ARL5A: variants seen among roughly 807,000 people sequenced by gnomAD.
The protein encoded by ARL5A is ADP-ribosylation factor-like protein 5A.
In ARL5A, 18 loss-of-function variants were observed where a neutral mutation model predicts 25.9. The ratio of observed to expected loss-of-function variants is 0.69; its 90% CI spans 0.48 to 1.03. The LOEUF is 1.03. Among genes scored for constraint, ARL5A ranks in the 50% least tolerant of loss-of-function variants. ARL5A has a pLI of 0.00. For missense variants in ARL5A, 170 were observed against 211.9 expected (o/e 0.80, Z 1.23); for synonymous variants, 61 against 67.5 (o/e 0.90, Z 0.47).
At chr2:151,810,663 A>G (rs1317428385) in intron 4 of ARL5A, 1 of 339,406 alleles carries the variant, frequency 2.9e-6, no homozygotes, top group South Asian at 2.3e-5. Flanking sequence ...GTAGTCACCC[A>G]TAACAGATAA....
At chr2:151,821,832 A>G (rs35555907) in intron 1 of ARL5A, among the ~76,000 whole-genome samples, 23,451 of 117,130 alleles carry the variant, frequency 0.2, 3,059 homozygotes, top group African/African-American at 0.42. Context: ...CCGTATGCCC[A>G]GCTAATTTTT....
intron 1 of ARL5A, among the ~76,000 whole-genome samples, chr2:151,822,509 T>C (rs1184773538): frequency 6.6e-6 from 1 of 152,230 alleles, no homozygotes; most frequent in Non-Finnish European, 1.5e-5. Flanking sequence ...CACCACAGCC[T>C]GTTCCTTTCA....
At chr2:151,827,781 C>T in intron 1 of ARL5A, 1 of 318,698 alleles carries the variant, frequency 3.1e-6, no homozygotes, top group Non-Finnish European at 5.8e-6. Context: ...CCAAACACAA[C>T]TGGTGAGCAA....
rs1033680978 is a variant in ARL5A, at chr2:151,816,866, A to G, written c.47-1667T>C. On this transcript the variant is annotated intron_variant, in intron 1 of 5. Coordinates refer to ENST00000295087, the MANE Select transcript of ARL5A (RefSeq NM_012097.4). ...AACGAGGGTAAACAACCAATACTGC[A>G]TAATAGTATACACTGTGCTATCAAA... 5.3e-5 allele frequency among the ~76,000 whole-genome samples: 8 copies of G among 152,362 alleles called. No individual in the cohort carries two copies. The East Asian group carries it at 7.7e-4, about 15-fold the overall frequency.
chr2:151,824,415 GAC>G (rs2099832750), intron 1 of ARL5A, among the ~76,000 whole-genome samples: 1 of 151,986 alleles, frequency 6.6e-6, no homozygotes, highest in Non-Finnish European at 1.5e-5. Context: ...TAGAAGCTAA[GAC>G]ACAGTCTACC....
intron 1 of ARL5A, chr2:151,827,750 CCCAGCACTTCTATGTGGTGT>C (rs1378934581): frequency 1.7e-5 from 4 of 237,266 alleles, no homozygotes; most frequent in African/African-American, 7.0e-5. Context: ...TCCAGAAGAC[CCCAGCACTTCTATGTGGTGT>C]CCAAACACAA....
Position 151,801,029 on chromosome 2 carries a change from G to T in ARL5A, c.*2247C>A, listed in dbSNP as rs936160920. 1 of 152,496 alleles carries T rather than the reference G, an allele frequency of 6.6e-6. No individual in the cohort carries two copies. The highest frequency in any genetic ancestry group is 1.5e-5 in the Non-Finnish European group (1 of 67,994). 9.4% of individuals were successfully genotyped at this position (152,496 alleles called of 1,614,324 possible). A position where few individuals can be genotyped will look rare whatever the true frequency, so the allele number is the denominator to read the frequency against. On this transcript the variant is annotated 3_prime_UTR_variant, in exon 6 of 6. Coordinates refer to ENST00000295087, the MANE Select transcript of ARL5A (RefSeq NM_012097.4). ...TATTTGAAAATAATACTTTTAAAAT[G>T]ATTTTGACATTTTCATATATAAATT...
At chr2:151,813,449 A>G (rs1432508962) in intron 3 of ARL5A, among the ~76,000 whole-genome samples, 18 of 152,334 alleles carry the variant, frequency 1.2e-4, no homozygotes, top group Admixed American at 1.2e-3. Flanking sequence ...ACAGTAGCAT[A>G]TATACCTTTA....
chr2:151,828,193 C>T lies in ARL5A; in HGVS notation c.-17G>A, dbSNP rs761855980. ...AATTCCCATTCTCGGGCAGCGGACCCCCCCCCTCCAGACACCCGGGCCGCC... is the reference window on the plus strand; with the variant it reads ...AATTCCCATTCTCGGGCAGCGGACCTCCCCCCTCCAGACACCCGGGCCGCC... On this transcript the variant is annotated 5_prime_UTR_variant, in exon 1 of 6. Transcript: ENST00000295087. 6.2e-6 allele frequency: 10 copies of T among 1,600,516 alleles called. No homozygotes were observed. Among genetic ancestry groups the T allele is most frequent in the South Asian group, 5.5e-5 (5 of 90,396 alleles).
In ARL5A at chr2:151,803,267, C is replaced by T; in HGVS notation, c.*9G>A. On this transcript the variant is annotated 3_prime_UTR_variant, in exon 6 of 6. Transcript: ENST00000295087. ...TTATACAAAATCTATGAGAAGAGGT[C>T]AGTAGAGATCATCTAATCTTAAGTC... 1 of 1,608,052 alleles carries T rather than the reference C, an allele frequency of 6.2e-7. No homozygotes were observed. Among genetic ancestry groups the T allele is most frequent in the Non-Finnish European group, 8.5e-7 (1 of 1,174,726 alleles).
At chr2:151,808,955 T>C (rs1209655857) in intron 4 of ARL5A, among the ~76,000 whole-genome samples, 2 of 152,052 alleles carry the variant, frequency 1.3e-5, no homozygotes, top group Non-Finnish European at 2.9e-5. Context: ...GGCTGAGGGA[T>C]GAGAATAGCT....
intron 4 of ARL5A, among the ~76,000 whole-genome samples, chr2:151,808,592 G>A (rs1267873301): frequency 6.6e-6 from 1 of 152,138 alleles, no homozygotes; most frequent in African/African-American, 2.4e-5. Flanking sequence ...TACAATGTTT[G>A]CAATTTTAAG....
Position 151,828,249 on chromosome 2 carries a change from G to C in ARL5A, c.-73C>G, listed in dbSNP as rs1488158153. ...TCCCCCGGCTCAGGCTGAGGGGGAG[G>C]AGAGAGACGCGCTGGAGCCTCCGCC... On this transcript the variant is annotated 5_prime_UTR_variant, in exon 1 of 6. Coordinates refer to ENST00000295087, the MANE Select transcript of ARL5A (RefSeq NM_012097.4). 2 of 1,388,648 alleles carry C rather than the reference G, an allele frequency of 1.4e-6. No homozygotes were observed. The highest frequency in any genetic ancestry group is 1.5e-5 in the African/African-American group (1 of 68,360). 86.0% of individuals were successfully genotyped at this position (1,388,648 alleles called of 1,614,324 possible). A position where few individuals can be genotyped will look rare whatever the true frequency, so the allele number is the denominator to read the frequency against.
rs1285576905 is a variant in ARL5A, at chr2:151,828,168, A to T, written c.9T>A (p.Ile3=). 2 of 1,597,180 alleles carry T rather than the reference A, an allele frequency of 1.3e-6. No individual in the cohort carries two copies. Among genetic ancestry groups the T allele is most frequent in the Non-Finnish European group, 1.7e-6 (2 of 1,173,588 alleles). Residue 3 remains isoleucine (I), a synonymous_variant, in exon 1 of 6, where the codon ATT becomes ATA. Coordinates refer to ENST00000295087, the MANE Select transcript of ARL5A (RefSeq NM_012097.4). MG[I]LFTRIWRLFN... ...ACAGTCTCCATATTCTAGTGAAGAGAATTCCCATTCTCGGGCAGCGGACCC... is the reference window on the plus strand; with the variant it reads ...ACAGTCTCCATATTCTAGTGAAGAGTATTCCCATTCTCGGGCAGCGGACCC...
rs979527058 is a variant in ARL5A, at chr2:151,799,081, T to C, written c.*4195A>G. On this transcript the variant is annotated 3_prime_UTR_variant, in exon 6 of 6. Transcript: ENST00000295087. ...AGTTACTTTTTAGCATCCAAAATTG[T>C]AATTTCTGGCTTTCTTTCCTTTTTA... 1 of 152,254 alleles carries C rather than the reference T, an allele frequency of 6.6e-6. No individual in the cohort carries two copies. The highest frequency in any genetic ancestry group is 6.5e-5 in the Admixed American group (1 of 15,290). The allele number at this position is 152,254 out of a possible 1,614,324, so 9.4% of individuals were successfully genotyped here.
intron 1 of ARL5A, chr2:151,827,687 G>T (rs544994123): frequency 6.2e-6 from 1 of 161,128 alleles, no homozygotes; most frequent in Admixed American, 6.5e-5. Context: ...TCCGCATTCT[G>T]CAACCCTCGG....
At chr2:151,805,568 T>A (rs897771940) in intron 5 of ARL5A, among the ~76,000 whole-genome samples, 1 of 152,216 alleles carries the variant, frequency 6.6e-6, no homozygotes, top group African/African-American at 2.4e-5. Context: ...TGTGTGAACA[T>A]CAGAGTGTAC....
At chr2:151,819,042 C>A (rs1026205232) in intron 1 of ARL5A, among the ~76,000 whole-genome samples, 8 of 151,872 alleles carry the variant, frequency 5.3e-5, no homozygotes, top group Admixed American at 5.3e-4. Context: ...AGAGAAAATA[C>A]AACTACTTTG....
chr2:151,824,713 A>T (rs1191735060), intron 1 of ARL5A, among the ~76,000 whole-genome samples: 2 of 152,192 alleles, frequency 1.3e-5, no homozygotes. Context: ...TCTTATACAA[A>T]GTCCTTCTTA....
Sources: allele counts gnomAD v4.1 joint callset (sites outside exome capture counted in the v4.1 genomes callset), GRCh38; gene constraint gnomAD v4.1.1; transcripts MANE v1.5; gene names NCBI Gene and HGNC (gene_info 2026-07-23, HGNC 2026-07-21).